The following ALMS1 variants were observed in gnomAD, a reference collection of about 807,000 sequenced individuals.
ALMS1 encodes the protein centrosome-associated protein ALMS1.
Under a neutral mutation model 352.2 loss-of-function variants are expected in ALMS1, and 271 were observed. The ratio of observed to expected loss-of-function variants is 0.77; its 90% CI spans 0.70 to 0.85. The LOEUF (loss-of-function observed/expected upper bound fraction) is 0.85, where lower values mean the gene tolerates loss of function less well. ALMS1 is among the 40% of genes least tolerant of loss of function. The pLI, the probability that ALMS1 is intolerant of heterozygous loss-of-function variation, is 0.00. For synonymous variants in ALMS1, 1,865 were observed against 1,761.2 expected (o/e 1.06, Z -1.48); for missense variants, 5,445 against 4,870.7 (o/e 1.12, Z -3.51).
chr2:73,437,332 C>G (rs1273028586), intron 7 of ALMS1, among the ~76,000 whole-genome samples: 1 of 152,134 alleles, frequency 6.6e-6, no homozygotes, highest in East Asian at 1.9e-4. Context: ...AGTAGTTAGT[C>G]CCTGTTCTTG....
At chr2:73,411,675 C>G (rs1671080502) in intron 2 of ALMS1, among the ~76,000 whole-genome samples, 1 of 152,192 alleles carries the variant, frequency 6.6e-6, no homozygotes, top group Non-Finnish European at 1.5e-5. Context: ...TTTCGTCGTT[C>G]ATCTTTGTTA....
intron 6 of ALMS1, among the ~76,000 whole-genome samples, chr2:73,427,288 C>A (rs1262003379): frequency 6.6e-6 from 1 of 152,120 alleles, no homozygotes; most frequent in Admixed American, 6.5e-5. Context: ...AATTGTAAGA[C>A]CCATGTTTGA....
intron 15 of ALMS1, among the ~76,000 whole-genome samples, chr2:73,564,445 G>A (rs1204035484): frequency 1.7e-5 from 2 of 121,040 alleles, no homozygotes; most frequent in South Asian, 2.6e-4. Context: ...CAGTCCAAAC[G>A]ACAGAGCAAG....
chr2:73,417,681 T>A (rs1013096069), intron 2 of ALMS1, among the ~76,000 whole-genome samples: 1 of 151,952 alleles, frequency 6.6e-6, no homozygotes, highest in South Asian at 2.1e-4. Flanking sequence ...AAAAAAAAAA[T>A]TATTGCTATC....
At chr2:73,466,690 A>G (rs886112084) in intron 9 of ALMS1, among the ~76,000 whole-genome samples, 1 of 152,172 alleles carries the variant, frequency 6.6e-6, no homozygotes, top group African/African-American at 2.4e-5. Flanking sequence ...CTAAACGGAA[A>G]TAATCTAATA....
Position 73,453,243 on chromosome 2 carries a change from C to T in ALMS1, c.6716C>T (p.Ala2239Val). 2 of 1,613,964 alleles carry T rather than the reference C, an allele frequency of 1.2e-6. No homozygotes were observed. Among genetic ancestry groups the T allele is most frequent in the Middle Eastern group, 1.6e-4 (1 of 6,062 alleles). ...DRVVINKPES[A>V]GFRDVGSEEI... ...GTTGTAATAAATAAACCAGAATCTG[C>T]AGGTTTTAGAGATGTTGGCTCTGAA... is the stretch of plus-strand genomic sequence containing the variant. The change falls in exon 8 of 23, where the codon GCA becomes GTA. Residue 2239 changes from alanine to valine, a missense_variant. Transcript: ENST00000613296.
intron 10 of ALMS1, among the ~76,000 whole-genome samples, chr2:73,501,167 C>T (rs181366904): frequency 6.6e-6 from 1 of 152,154 alleles, no homozygotes; most frequent in East Asian, 1.9e-4. Flanking sequence ...CACTTTTATC[C>T]ATTGGATTAT....
Position 73,452,739 on chromosome 2 carries a change from T to C in ALMS1, c.6212T>C (p.Ile2071Thr), listed in dbSNP as rs10496192. 255,636 of 1,613,212 alleles carry C rather than the reference T, an allele frequency of 0.16. 21,161 individuals carry two copies. Among genetic ancestry groups the C allele is most frequent in the Middle Eastern group, 0.19 (1,131 of 6,062 alleles). Residue 2071 changes from isoleucine (I) to threonine (T), a missense_variant, in exon 8 of 23, where the codon ATT (isoleucine) becomes ACT (threonine). Transcript: ENST00000613296. ...QLPDRDQSKG[I>T]LKISAVPELT... ...CCAGATAGAGATCAAAGTAAAGGTA[T>C]TCTAAAGATTTCAGCTGTCCCTGAA...
chr2:73,539,656 T>C (rs183815201), intron 12 of ALMS1, among the ~76,000 whole-genome samples: 1 of 152,176 alleles, frequency 6.6e-6, no homozygotes, highest in Non-Finnish European at 1.5e-5. Context: ...CTAACTAGAA[T>C]AACCAATGCA....
intron 7 of ALMS1, among the ~76,000 whole-genome samples, chr2:73,444,294 C>T (rs1671768158): frequency 6.6e-6 from 1 of 152,070 alleles, no homozygotes; most frequent in Non-Finnish European, 1.5e-5. Context: ...GTGCACCTAT[C>T]AGGGTGGTTT....
At chr2:73,393,031 C>G (rs1670681799) in intron 1 of ALMS1, among the ~76,000 whole-genome samples, 1 of 152,110 alleles carries the variant, frequency 6.6e-6, no homozygotes, top group African/African-American at 2.4e-5. Flanking sequence ...ATTTGCATTT[C>G]CCTTATGGTT....
Position 73,449,708 on chromosome 2 carries a change from C to T in ALMS1, c.3181C>T (p.Pro1061Ser), listed in dbSNP as rs754651123. ...GAGGGAGAAGCCTAGTGTTTTGTAC[C>T]CACAGGTGTTATCAGACAGTCATCT... ...PQREKPSVLY[P>S]QVLSDSHLPE... Residue 1061 changes from proline (P) to serine (S), a missense_variant, in exon 8 of 23, where the codon CCA (proline) becomes TCA (serine). By Grantham distance (74) the Pro-to-Ser change is moderately conservative (BLOSUM62 -1). Transcript: ENST00000613296. 6.2e-7 allele frequency: 1 copy of T among 1,614,038 alleles called. No homozygotes were observed. Among genetic ancestry groups the T allele is most frequent in the Non-Finnish European group, 8.5e-7 (1 of 1,179,974 alleles).
Position 73,455,221 on chromosome 2 carries a change from G to A in ALMS1, c.7600G>A (p.Glu2534Lys), listed in dbSNP as rs1204804728. The change falls in exon 9 of 23, where the codon GAA becomes AAA. Residue 2534 changes from glutamate to lysine, a missense_variant. Physicochemically the swap from Glu to Lys is moderately conservative, Grantham distance 56 (BLOSUM62 1). Transcript: ENST00000613296. ...DCGYSISELN[E>K]DDRRKVEEIK... The stretch of plus-strand genomic sequence containing the variant: ...TGGATACTCCATTTCAGAATTAAAT[G>A]AAGATGACAGGAGGAAAGTAGAAGA... The A allele has an allele frequency of 2.5e-6, 4 of 1,613,770 alleles. No homozygotes were observed. In the African/African-American group the frequency reaches 4.0e-5, roughly 16 times the overall value.
At chr2:73,538,084 G>T (rs1674070635) in intron 12 of ALMS1, among the ~76,000 whole-genome samples, 1 of 152,064 alleles carries the variant, frequency 6.6e-6, no homozygotes, top group Admixed American at 6.6e-5. Context: ...CAAAACTTTT[G>T]TACACAAAAC....
Position 73,491,449 on chromosome 2 carries a change from G to T in ALMS1, c.9490G>T (p.Asp3164Tyr). Residue 3164 changes from aspartate (D) to tyrosine (Y), a missense_variant, in exon 10 of 23, where the codon GAT becomes TAT. Coordinates refer to ENST00000613296, the MANE Select transcript of ALMS1 (RefSeq NM_001378454.1). ...CAGGCAAATACAAGTGAACATTTCA[G>T]ATTTCGAAGGACATTCCAATCCAGA... ...TSRQIQVNISDFEGHSNPEGT... is the reference protein window; with the variant it reads ...TSRQIQVNISYFEGHSNPEGT... 1 of 1,614,114 alleles carries T rather than the reference G, an allele frequency of 6.2e-7. No homozygotes were observed. The highest frequency in any genetic ancestry group is 1.6e-4 in the Middle Eastern group (1 of 6,062).
At chr2:73,445,426 A>G (rs1037991048) in intron 7 of ALMS1, among the ~76,000 whole-genome samples, 2 of 152,128 alleles carry the variant, frequency 1.3e-5, no homozygotes, top group Admixed American at 1.3e-4. Flanking sequence ...TGACTGAATT[A>G]GAGGGCTCAA....
At chr2:73,446,138 T>C (rs146630705) in intron 7 of ALMS1, among the ~76,000 whole-genome samples, 13 of 152,258 alleles carry the variant, frequency 8.5e-5, no homozygotes, top group Non-Finnish European at 1.3e-4. Flanking sequence ...GCTTAACCTA[T>C]AGTCGTTCTT....
At chr2:73,466,386 A>G (rs1672344129) in intron 9 of ALMS1, among the ~76,000 whole-genome samples, 3 of 151,688 alleles carry the variant, frequency 2.0e-5, no homozygotes, top group Non-Finnish European at 4.4e-5. Context: ...TCTCAAGGAC[A>G]AAAAACCAAA....
At chr2:73,497,691 C>G (rs1023805070) in intron 10 of ALMS1, among the ~76,000 whole-genome samples, 4 of 152,072 alleles carry the variant, frequency 2.6e-5, no homozygotes, top group African/African-American at 9.7e-5. Context: ...GCCTCCAGCT[C>G]CATCAAAGTT....
Sources: allele counts gnomAD v4.1 joint callset (sites outside exome capture counted in the v4.1 genomes callset), GRCh38; gene constraint gnomAD v4.1.1; transcripts MANE v1.5; gene names NCBI Gene and HGNC (gene_info 2026-07-23, HGNC 2026-07-21).